The following SORCS3 variants were observed in gnomAD, a reference collection of about 807,000 sequenced individuals.
The protein encoded by SORCS3 is sortilin related VPS10 domain containing receptor 3, also known as VPS10 domain-containing receptor SorCS3.
In SORCS3, 57 loss-of-function variants were observed where a neutral mutation model predicts 146.3. The ratio of observed to expected loss-of-function variants is 0.39; its 90% CI spans 0.31 to 0.49. The LOEUF (loss-of-function observed/expected upper bound fraction) is 0.49, where lower values mean the gene tolerates loss of function less well. Among genes scored for constraint, SORCS3 ranks in the 20% least tolerant of loss-of-function variants. The probability of loss-of-function intolerance (pLI) is 0.92; values close to 1 mark genes in which losing one functional copy is unlikely to be tolerated. For synonymous variants in SORCS3, 653 were observed against 618.5 expected (o/e 1.06, Z -0.83); for missense variants, 1,341 against 1,575.5 (o/e 0.85, Z 2.52).
intron 1 of SORCS3, among the ~76,000 whole-genome samples, chr10:104,719,750 C>T (rs2016521645): frequency 6.6e-6 from 1 of 152,170 alleles, no homozygotes; most frequent in African/African-American, 2.4e-5. Flanking sequence ...TGGTTTGTCT[C>T]TCTCTCTTCA....
intron 3 of SORCS3, among the ~76,000 whole-genome samples, chr10:104,972,935 T>C (rs2054869846): frequency 6.6e-6 from 1 of 152,230 alleles, no homozygotes; most frequent in African/African-American, 2.4e-5. Flanking sequence ...AGGCCTTTTC[T>C]GCATCTATTG....
At chr10:105,044,617 G>A (rs1234797808) in intron 5 of SORCS3, among the ~76,000 whole-genome samples, 4 of 151,732 alleles carry the variant, frequency 2.6e-5, no homozygotes, top group Non-Finnish European at 5.9e-5. Flanking sequence ...AACCCATTCC[G>A]TCTGCATCCA....
chr10:105,118,956 G>A (rs1323390512), intron 7 of SORCS3, among the ~76,000 whole-genome samples: 3 of 152,322 alleles, frequency 2.0e-5, no homozygotes, highest in Non-Finnish European at 4.4e-5. Context: ...GCATAAATTT[G>A]CATAAGTAAT....
chr10:105,214,759 T>G, intron 18 of SORCS3, 146 bp downstream of exon 18: 2 of 771,230 alleles, frequency 2.6e-6, no homozygotes, highest in Non-Finnish European at 4.0e-6. Flanking sequence ...CAGACAAGGG[T>G]GAAAGAGGGC....
intron 1 of SORCS3, among the ~76,000 whole-genome samples, chr10:104,747,135 G>A (rs148243144): frequency 4.6e-5 from 7 of 152,324 alleles, no homozygotes; most frequent in African/African-American, 9.6e-5. Context: ...TCCAGAGAAC[G>A]TTGGTCCATT....
At chr10:104,807,842 G>A (rs988143572) in intron 1 of SORCS3, among the ~76,000 whole-genome samples, 4 of 152,296 alleles carry the variant, frequency 2.6e-5, no homozygotes, top group African/African-American at 9.6e-5. Context: ...AGAAAAAAAG[G>A]CTTCGTAATT....
rs1240130799 is a variant in SORCS3, at chr10:104,658,854, T to TTTTTTGC, written c.627+16905_627+16911dup. ...CTTTTTTTTTGTCTTTTGTTTTTTG[T>TTTTTTGC]TTTTTGCTTTTGTTTTTGTTTTTTT... is the stretch of plus-strand genomic sequence containing the variant. On this transcript the variant is annotated intron_variant, in intron 1 of 26. Coordinates refer to ENST00000369701, the MANE Select transcript of SORCS3 (RefSeq NM_014978.3). 2.0e-5 allele frequency among the ~76,000 whole-genome samples: 3 copies of TTTTTTGC among 151,988 alleles called. No individual in the cohort carries two copies. In the East Asian group the frequency reaches 5.8e-4, roughly 29 times the overall value.
intron 2 of SORCS3, among the ~76,000 whole-genome samples, chr10:104,843,655 A>G (rs2018170042): frequency 6.6e-6 from 1 of 152,226 alleles, no homozygotes; most frequent in Non-Finnish European, 1.5e-5. Flanking sequence ...TAATAAAGCC[A>G]TGAAACCAGG....
chr10:104,999,382 G>C (rs1406903110), intron 4 of SORCS3, among the ~76,000 whole-genome samples: 2 of 152,096 alleles, frequency 1.3e-5, no homozygotes, highest in Non-Finnish European at 2.9e-5. Context: ...TCAGAAAGCA[G>C]ACAATTCCAG....
At chr10:105,195,008 G>T (rs760916970) in intron 14 of SORCS3, among the ~76,000 whole-genome samples, 5 of 152,218 alleles carry the variant, frequency 3.3e-5, no homozygotes, top group Non-Finnish European at 7.3e-5. Context: ...AGCTTCTGAA[G>T]AAAGAGCTCA....
chr10:104,642,022 G>GGGGGGGGGCCCCCCC, intron 1 of SORCS3, 68 bp downstream of exon 1: 17 of 173,334 alleles, frequency 9.8e-5, no homozygotes, highest in Non-Finnish European at 1.7e-4. Flanking sequence ...GGGTGGGTGG[G>GGGGGGGGGCCCCCCC]AGCGAGGGAC....
At position 105,113,334 on chromosome 10, in the gene SORCS3, AGT is replaced by A. The variant is rs1428646458; in HGVS notation, c.1212+7821_1212+7822del. Among the ~76,000 whole-genome samples the A allele has an allele frequency of 6.6e-5, 10 of 152,310 alleles. No homozygotes were observed. The East Asian group carries it at 1.7e-3, about 26-fold the overall frequency. On this transcript the variant is annotated intron_variant, in intron 7 of 26. Coordinates refer to ENST00000369701, the MANE Select transcript of SORCS3 (RefSeq NM_014978.3). ...TTTAATGTGCAATTTTTTACACATGAGTGAGAGATTATATACAAATGTACAGT... is the reference window on the plus strand; with the variant it reads ...TTTAATGTGCAATTTTTTACACATGAGAGAGATTATATACAAATGTACAGT...
At chr10:104,908,790 T>C (rs1258609551) in intron 2 of SORCS3, among the ~76,000 whole-genome samples, 1 of 152,190 alleles carries the variant, frequency 6.6e-6, no homozygotes, top group East Asian at 1.9e-4. Flanking sequence ...GTGGGAATTA[T>C]AGGAAAGATC....
intron 7 of SORCS3, among the ~76,000 whole-genome samples, chr10:105,132,425 A>G (rs780582645): frequency 2.0e-5 from 3 of 152,150 alleles, no homozygotes; most frequent in South Asian, 2.1e-4. Context: ...AAGATTACCT[A>G]TGTCTACTTA....
chr10:105,114,052 A>G (rs2055876596), intron 7 of SORCS3, among the ~76,000 whole-genome samples: 1 of 152,180 alleles, frequency 6.6e-6, no homozygotes, highest in Non-Finnish European at 1.5e-5. Flanking sequence ...AGCAGTTGCA[A>G]TAAAATTCCT....
intron 9 of SORCS3, among the ~76,000 whole-genome samples, chr10:105,152,939 A>ATTT (rs3070108): frequency 4.0e-4 from 60 of 151,040 alleles, no homozygotes; most frequent in East Asian, 7.8e-4. Context: ...CTCACTATTA[A>ATTT]TTTTTTTTTG....
intron 3 of SORCS3, among the ~76,000 whole-genome samples, chr10:104,925,928 A>G (rs755994590): frequency 5.3e-5 from 8 of 152,276 alleles, no homozygotes; most frequent in Non-Finnish European, 1.0e-4. Flanking sequence ...AATAAAGAAC[A>G]TATCTAGGAA....
intron 2 of SORCS3, among the ~76,000 whole-genome samples, chr10:104,860,476 G>A (rs925512804): frequency 6.8e-6 from 1 of 146,400 alleles, no homozygotes; most frequent in Non-Finnish European, 1.5e-5. Flanking sequence ...GCTAAATGAC[G>A]AGTTAATGGG....
intron 1 of SORCS3, among the ~76,000 whole-genome samples, chr10:104,814,801 A>C (rs986614130): frequency 1.3e-5 from 2 of 152,202 alleles, no homozygotes; most frequent in African/African-American, 4.8e-5. Context: ...TATTTGCTTC[A>C]AGACCTATGC....
Sources: gnomAD v4.1 joint callset for allele counts (sites outside exome capture counted in the v4.1 genomes callset) on GRCh38, gnomAD v4.1.1 for gene constraint, MANE v1.5 for transcripts, NCBI Gene and HGNC (gene_info 2026-07-23, HGNC 2026-07-21) for gene names.